The following ADRA1A variants were observed in gnomAD, a reference collection of about 807,000 sequenced individuals.
The protein encoded by ADRA1A is alpha-1A adrenergic receptor.
ADRA1A carries 31 observed loss-of-function variants against 29.6 expected under a neutral mutation model. The observed-to-expected ratio is 1.05, with a 90% CI of 0.79 to 1.41. ADRA1A has a LOEUF of 1.41. Among genes scored for constraint, ADRA1A ranks in the 40% most tolerant of loss-of-function variants. ADRA1A has a pLI of 0.00. For synonymous variants in ADRA1A, 311 were observed against 254.3 expected (o/e 1.22, Z -2.12); for missense variants, 619 against 601.1 (o/e 1.03, Z -0.31).
chr8:26,774,201 T>A (rs572121181), intron 2 of ADRA1A, among the ~76,000 whole-genome samples: 1 of 152,164 alleles, frequency 6.6e-6, no homozygotes, highest in African/African-American at 2.4e-5. Flanking sequence ...AAACTGATAG[T>A]TCCACCAGGG....
At chr8:26,816,539 G>A (rs1563275752) in intron 2 of ADRA1A, among the ~76,000 whole-genome samples, 1 of 129,822 alleles carries the variant, frequency 7.7e-6, no homozygotes, top group African/African-American at 3.3e-5. Flanking sequence ...GTGTATGTGT[G>A]TGTGTGTGTG....
chr8:26,806,331 G>A lies in ADRA1A; in HGVS notation c.884-35665C>T, dbSNP rs1209860749. Among the ~76,000 whole-genome samples the A allele has an allele frequency of 6.7e-6, 1 of 148,412 alleles. No individual in the cohort carries two copies. The highest frequency in any genetic ancestry group is 6.7e-5 in the Admixed American group (1 of 14,900). On this transcript the variant is annotated intron_variant, in intron 2 of 2. Coordinates refer to ENST00000380573, the MANE Select transcript of ADRA1A (RefSeq NM_000680.4). This position sits in a 1 kb window ranked among gnomAD's most constrained non-coding sequence, Gnocchi z 4.6. ...TTTTTTTTTTCGAAAGCTGCCTTCT[G>A]TTTTGCTCTTCCCTTACTGTATAAC...
At chr8:26,827,889 CTTTAT>C (rs1374741174) in intron 2 of ADRA1A, among the ~76,000 whole-genome samples, 2 of 151,960 alleles carry the variant, frequency 1.3e-5, no homozygotes, top group African/African-American at 2.4e-5. Flanking sequence ...TTTTATTTTA[CTTTAT>C]TTTATTATTA....
intron 2 of ADRA1A, among the ~76,000 whole-genome samples, chr8:26,849,449 C>T (rs993306874): frequency 1.3e-5 from 2 of 152,194 alleles, no homozygotes; most frequent in Admixed American, 1.3e-4. Flanking sequence ...GGAGAGGGCA[C>T]TACACACCCT....
intron 2 of ADRA1A, among the ~76,000 whole-genome samples, chr8:26,814,505 T>C (rs1809632736): frequency 1.3e-5 from 2 of 152,246 alleles, no homozygotes; most frequent in African/African-American, 2.4e-5. Context: ...CAAGGAATCC[T>C]ATCACCTTGG....
In ADRA1A at chr8:26,848,770, G is replaced by A. The variant is rs781653059; in HGVS notation, c.883+15317C>T. Among the ~76,000 whole-genome samples, 1 of 152,192 alleles carries A rather than the reference G, an allele frequency of 6.6e-6. No individual in the cohort carries two copies. Among genetic ancestry groups the A allele is most frequent in the Non-Finnish European group, 1.5e-5 (1 of 68,040 alleles). On this transcript the variant is annotated intron_variant, in intron 2 of 2. Transcript: ENST00000380573. The surrounding 1 kb of genome is among the most constrained non-coding windows in gnomAD (Gnocchi z 4.3). ...TTCACACAATCCTCTTGTGATCACA[G>A]CCACAAGGGAAAGCTCAGCTTACTG...
At chr8:26,855,443 T>C (rs79663912) in intron 2 of ADRA1A, among the ~76,000 whole-genome samples, 7,912 of 149,030 alleles carry the variant, frequency 0.053, 296 homozygotes, top group Admixed American at 0.11. Flanking sequence ...AACTGCTGTA[T>C]AAAAAGTGGC....
At chr8:26,836,409 T>C (rs896705297) in intron 2 of ADRA1A, 7 of 152,980 alleles carry the variant, frequency 4.6e-5, no homozygotes, top group African/African-American at 1.7e-4. Flanking sequence ...TGACAAAGCA[T>C]TGTAAATGCT....
At chr8:26,854,425 G>GA (rs34107108) in intron 2 of ADRA1A, 1 of 126,896 alleles carries the variant, frequency 7.9e-6, no homozygotes, top group Non-Finnish European at 1.7e-5. Context: ...AAGCGGGGCG[G>GA]GGGGGGGGAG....
chr8:26,765,736 T>G (rs1805738986), downstream of ADRA1A: 11 of 1,024,092 alleles, frequency 1.1e-5, no homozygotes, highest in East Asian at 6.9e-4. Flanking sequence ...CTTTCTTTAA[T>G]TAAGTCAACA....
rs1437875423 is a variant in ADRA1A at position 26,825,697 on chromosome 8, G to A, written c.883+38390C>T. Among the ~76,000 whole-genome samples, 1 of 152,208 alleles carries A rather than the reference G, an allele frequency of 6.6e-6. No individual in the cohort carries two copies. The highest frequency in any genetic ancestry group is 1.9e-4 in the East Asian group (1 of 5,186). On this transcript the variant is annotated intron_variant, in intron 2 of 2. Coordinates refer to ENST00000380573, the MANE Select transcript of ADRA1A (RefSeq NM_000680.4). This position sits in a 1 kb window ranked among gnomAD's most constrained non-coding sequence, Gnocchi z 5.7. The stretch of plus-strand genomic sequence containing the variant: ...GAAAAATCAAAATTTAGCTTGTAAT[G>A]ATATATGAATTGCACATGCACGCTA...
chr8:26,804,858 C>T (rs1363549817), intron 2 of ADRA1A, among the ~76,000 whole-genome samples: 3 of 151,938 alleles, frequency 2.0e-5, no homozygotes, highest in African/African-American at 7.3e-5. Flanking sequence ...TTAATTTATT[C>T]TTATTGTTTG....
chr8:26,843,756 G>A (rs141122237), intron 2 of ADRA1A, among the ~76,000 whole-genome samples: 1,803 of 152,284 alleles, frequency 0.012, 32 homozygotes, highest in African/African-American at 0.041. Context: ...CATCTTAAGG[G>A]ATGATCCAGA....
chr8:26,818,030 T>C (rs1809886292), intron 2 of ADRA1A, among the ~76,000 whole-genome samples: 1 of 152,178 alleles, frequency 6.6e-6, no homozygotes, highest in Admixed American at 6.5e-5. Flanking sequence ...TCCCAACATA[T>C]GGATGAATCT....
chr8:26,807,528 T>C (rs1384308294), intron 2 of ADRA1A, among the ~76,000 whole-genome samples: 2 of 152,200 alleles, frequency 1.3e-5, no homozygotes, highest in African/African-American at 4.8e-5. Flanking sequence ...TTAATTTTGG[T>C]ATCTGTCTCT....
rs780947238 is a variant in ADRA1A, at chr8:26,864,176, G to A, written c.794C>T (p.Ser265Phe). ...CGTTTTGGCCGCTTTCTTCTCCCGG[G>A]AGAACTTGAGGAGCCTCACTGAGAA... is the stretch of plus-strand genomic sequence containing the variant. ...THFSVRLLKF[S>F]REKKAAKTLG... The change falls in exon 2 of 3, where the codon TCC (serine) becomes TTC (phenylalanine). Residue 265 changes from serine (S) to phenylalanine (F), a missense_variant. Coordinates refer to ENST00000380573, the MANE Select transcript of ADRA1A (RefSeq NM_000680.4). The surrounding 1 kb of genome is among the most constrained non-coding windows in gnomAD (Gnocchi z 8.1). 3 of 1,614,146 alleles carry A rather than the reference G, an allele frequency of 1.9e-6. No individual in the cohort carries two copies. The highest frequency in any genetic ancestry group is 2.5e-6 in the Non-Finnish European group (3 of 1,180,046).
In ADRA1A at chr8:26,787,417, A is replaced by G. The variant is rs1389975044; in HGVS notation, c.884-16751T>C. Among the ~76,000 whole-genome samples, 2 of 152,226 alleles carry G rather than the reference A, an allele frequency of 1.3e-5. No homozygotes were observed. The highest frequency in any genetic ancestry group is 4.8e-5 in the African/African-American group (2 of 41,464). On this transcript the variant is annotated intron_variant, in intron 2 of 2. Transcript: ENST00000380573. This position sits in a 1 kb window ranked among gnomAD's most constrained non-coding sequence, Gnocchi z 4.2. The stretch of plus-strand genomic sequence containing the variant: ...CATGGAAAAAAAACCCACACATACT[A>G]TATTCTGTCTGAAAAGACTTTGACA...
At chr8:26,834,979 T>C (rs1474761373) in intron 2 of ADRA1A, among the ~76,000 whole-genome samples, 2 of 152,194 alleles carry the variant, frequency 1.3e-5, no homozygotes, top group African/African-American at 4.8e-5. Context: ...TTTTTAAGTG[T>C]ATGAAAAATA....
At chr8:26,761,709 C>A (rs1286030540), downstream of ADRA1A, among the ~76,000 whole-genome samples, 11 of 152,202 alleles carry the variant, frequency 7.2e-5, no homozygotes, top group Admixed American at 4.6e-4. Context: ...TTATGATTGG[C>A]TAGGACACTA....
Sources: allele counts gnomAD v4.1 joint callset (sites outside exome capture counted in the v4.1 genomes callset), GRCh38; gene constraint gnomAD v4.1.1; non-coding constraint Gnocchi (gnomAD v3.1); transcripts MANE v1.5; gene names NCBI Gene and HGNC (gene_info 2026-07-23, HGNC 2026-07-21).